EFCAB8: variants seen among roughly 807,000 people sequenced by gnomAD.
EFCAB8 encodes EF-hand calcium-binding domain-containing protein 8.
A neutral mutation model predicts 116.3 loss-of-function variants in EFCAB8; 100 were observed. The ratio of observed to expected loss-of-function variants is 0.86; its 90% CI spans 0.73 to 1.02. EFCAB8 has a LOEUF of 1.02. EFCAB8 is among the 50% of genes least tolerant of loss of function. The pLI is 0.00. For missense variants in EFCAB8, 1,320 were observed against 1,416.9 expected (o/e 0.93, Z 1.10); for synonymous variants, 558 against 567.9 (o/e 0.98, Z 0.25).
intron 8 of EFCAB8, among the ~76,000 whole-genome samples, 152 bp from the exon 9 acceptor site, chr20:32,893,022 G>T (rs947584792): frequency 6.6e-6 from 1 of 151,938 alleles, no homozygotes. Flanking sequence ...TGTATTTTTA[G>T]TAGAGATGAG....
intron 17 of EFCAB8, among the ~76,000 whole-genome samples, chr20:32,915,656 C>T (rs1231117525): frequency 6.6e-6 from 1 of 151,450 alleles, no homozygotes; most frequent in African/African-American, 2.4e-5. Context: ...ACCATCCATC[C>T]TCTACCTATT....
At chr20:32,898,131 G>A (rs867548864) in intron 10 of EFCAB8, among the ~76,000 whole-genome samples, 12 of 152,220 alleles carry the variant, frequency 7.9e-5, no homozygotes, top group Non-Finnish European at 1.3e-4. Flanking sequence ...CAGCCCATCT[G>A]TAGAGGGGGC....
chr20:32,864,539 G>T (rs954747463), intron 2 of EFCAB8, among the ~76,000 whole-genome samples: 2 of 152,076 alleles, frequency 1.3e-5, no homozygotes, highest in African/African-American at 4.8e-5. Context: ...CCATGATCTC[G>T]CCATTGCACT....
chr20:32,892,069 T>C, intron 7 of EFCAB8, 144 bp from the exon 8 acceptor site: 1 of 701,892 alleles, frequency 1.4e-6, no homozygotes, highest in Non-Finnish European at 2.4e-6. Context: ...GTTTACTCTG[T>C]GAACAGCTGT....
rs1987233467 is a variant in EFCAB8, at chr20:32,917,300, G to T, written c.1857-1G>T. 6.4e-7 allele frequency: 1 copy of T among 1,550,718 alleles called. No individual in the cohort carries two copies. The highest frequency in any genetic ancestry group is 1.2e-5 in the South Asian group (1 of 84,008). ...CCTCCTGCCTCTGGCCATATGCACA[G>T]GTTCCACAAGACCAAGCCAGTGCTC... On this transcript the variant is annotated splice_acceptor_variant, in intron 17 of 26. Transcript: ENST00000400522. LOFTEE classifies it high-confidence loss of function.
intron 5 of EFCAB8, among the ~76,000 whole-genome samples, chr20:32,883,655 A>AACAC (rs1293519122): frequency 6.6e-6 from 1 of 152,164 alleles, no homozygotes; most frequent in Non-Finnish European, 1.5e-5. Flanking sequence ...TTTTGGCATG[A>AACAC]ACACATTGCT....
rs549267514 is a variant in EFCAB8 at position 32,919,012 on chromosome 20, A to T, written c.2274+438A>T. Among the ~76,000 whole-genome samples the T allele has an allele frequency of 5.3e-5, 8 of 152,158 alleles. No individual in the cohort carries two copies. The East Asian group carries it at 1.5e-3, about 29-fold the overall frequency. On this transcript the variant is annotated intron_variant, in intron 19 of 26. Coordinates refer to ENST00000400522, the MANE Select transcript of EFCAB8 (RefSeq NM_001143967.2). ...TCTGAGACCCAGACACAGACAAACC[A>T]CTTTCCTCCTCCTCTGAGCCTCATC...
intron 14 of EFCAB8, among the ~76,000 whole-genome samples, chr20:32,909,059 T>A (rs1600411737): frequency 6.6e-6 from 1 of 152,122 alleles, no homozygotes; most frequent in Admixed American, 6.5e-5. Flanking sequence ...AACCCACAGA[T>A]GGGAGCAGAA....
At chr20:32,939,246 T>G (rs1201388990) in intron 22 of EFCAB8, among the ~76,000 whole-genome samples, 1 of 128,014 alleles carries the variant, frequency 7.8e-6, no homozygotes, top group Non-Finnish European at 1.7e-5. Flanking sequence ...CTCCCTGCCT[T>G]CCTTCCTTCC....
chr20:32,885,852 C>A (rs6120013), intron 6 of EFCAB8, among the ~76,000 whole-genome samples: 93,549 of 152,008 alleles, frequency 0.62, 29,612 homozygotes, highest in Middle Eastern at 0.74. Flanking sequence ...TGTCCATTCC[C>A]TGTGGGTGTC....
At position 32,893,296 on chromosome 20, in the gene EFCAB8, G is replaced by T. The variant is rs778113044; in HGVS notation, c.881G>T (p.Trp294Leu). Residue 294 changes from tryptophan to leucine, a missense_variant and splice_region_variant, in exon 9 of 27, where the codon TGG (tryptophan) becomes TTG (leucine). Coordinates refer to ENST00000400522, the MANE Select transcript of EFCAB8 (RefSeq NM_001143967.2). The part of the protein sequence containing the change: ...NPRILPRASK[W>L]DHWIKVSLQK... ...CGTATCCTCCCCAGGGCCTCCAAGTGGGGTAGCTAAGATGCTGGGGAAGGG... is the reference window on the plus strand; with the variant it reads ...CGTATCCTCCCCAGGGCCTCCAAGTTGGGTAGCTAAGATGCTGGGGAAGGG... The T allele has an allele frequency of 5.8e-6, 9 of 1,551,756 alleles. No homozygotes were observed. Among genetic ancestry groups the T allele is most frequent in the South Asian group, 2.4e-5 (2 of 84,062 alleles).
intron 21 of EFCAB8, 144 bp from the exon 22 acceptor site, chr20:32,931,034 T>C (rs892651140): frequency 4.3e-6 from 3 of 696,050 alleles, no homozygotes; most frequent in Non-Finnish European, 7.2e-6. Flanking sequence ...TTTCTGGCCC[T>C]AGTGGTGAGG....
chr20:32,956,700 T>G (rs1169742083), intron 23 of EFCAB8, among the ~76,000 whole-genome samples: 1 of 152,178 alleles, frequency 6.6e-6, no homozygotes, highest in Admixed American at 6.5e-5. Flanking sequence ...CCCTGGCTGC[T>G]TTTGGTTTTC....
chr20:32,917,502 G>A lies in EFCAB8; in HGVS notation c.2058G>A (p.Lys686=), dbSNP rs757207982. 1.3e-6 allele frequency: 2 copies of A among 1,548,246 alleles called. No individual in the cohort carries two copies. Among genetic ancestry groups the A allele is most frequent in the South Asian group, 1.2e-5 (1 of 84,008 alleles). The change falls in exon 18 of 27, where the codon AAG becomes AAA. Residue 686 remains lysine (K), a synonymous_variant. Transcript: ENST00000400522. The stretch of plus-strand genomic sequence containing the variant: ...GGAGCCCCTCGCCCTTGCAGCCCAA[G>A]AGGGTATGTTAACAGGAGCACACTC... ...ASRSPSPLQP[K]RVQDVNNCLA... is the part of the protein sequence containing the mutation.
intron 23 of EFCAB8, among the ~76,000 whole-genome samples, chr20:32,951,640 G>A (rs1988803725): frequency 6.6e-6 from 1 of 152,090 alleles, no homozygotes; most frequent in African/African-American, 2.4e-5. Context: ...ATAGAAACTG[G>A]TTATTGCATG....
chr20:32,899,687 G>A (rs1986338871), intron 11 of EFCAB8, among the ~76,000 whole-genome samples: 2 of 151,824 alleles, frequency 1.3e-5, no homozygotes, highest in Admixed American at 6.6e-5. Flanking sequence ...TGATTCTCCT[G>A]CCTCAGCCTC....
chr20:32,926,074 G>T (rs1172555789), intron 20 of EFCAB8, among the ~76,000 whole-genome samples: 1 of 152,166 alleles, frequency 6.6e-6, no homozygotes, highest in Non-Finnish European at 1.5e-5. Context: ...TCAGCAGGCC[G>T]CCCCTCTCCA....
chr20:32,918,511 G>A lies in EFCAB8; in HGVS notation c.2211G>A (p.Val737=), dbSNP rs753386960. ...VANTNLRRSL[V]SAPPVMRCPR... Reference sequence around the variant, plus strand: ...ATACCAACCTGAGGCGGAGCCTGGTGTCGGCTCCCCCAGTGATGCGGTGCC... The same window carrying A: ...ATACCAACCTGAGGCGGAGCCTGGTATCGGCTCCCCCAGTGATGCGGTGCC... The change falls in exon 19 of 27, where the codon GTG becomes GTA. Residue 737 remains valine (V), a synonymous_variant. Coordinates refer to ENST00000400522, the MANE Select transcript of EFCAB8 (RefSeq NM_001143967.2). 2.6e-6 allele frequency: 4 copies of A among 1,551,622 alleles called. No homozygotes were observed. In the African/African-American group the frequency reaches 5.5e-5, roughly 21 times the overall value.
rs1011011336 is a variant in EFCAB8 at position 32,961,803 on chromosome 20, G to C, written c.*194G>C. On this transcript the variant is annotated 3_prime_UTR_variant, in exon 27 of 27. Coordinates refer to ENST00000400522, the MANE Select transcript of EFCAB8 (RefSeq NM_001143967.2). ...TGGCCCCGCACAGAGCCCTGGGGCA[G>C]AAAATAAATGTTCTCAGCTGTGGGC... Among the ~76,000 whole-genome samples, 1 of 152,262 alleles carries C rather than the reference G, an allele frequency of 6.6e-6. No individual in the cohort carries two copies. The highest frequency in any genetic ancestry group is 2.4e-5 in the African/African-American group (1 of 41,474).
Sources: gnomAD v4.1 joint callset for allele counts (sites outside exome capture counted in the v4.1 genomes callset) on GRCh38, gnomAD v4.1.1 for gene constraint, MANE v1.5 for transcripts, NCBI Gene and HGNC (gene_info 2026-07-23, HGNC 2026-07-21) for gene names.